MTHFD2L: variants seen among roughly 807,000 people sequenced by gnomAD.
MTHFD2L encodes the protein methylenetetrahydrofolate dehydrogenase (NADP+ dependent) 2 like, also known as bifunctional methylenetetrahydrofolate dehydrogenase/cyclohydrolase 2, mitochondrial.
MTHFD2L carries 29 observed loss-of-function variants against 34.9 expected under a neutral mutation model. The ratio of observed to expected loss-of-function variants is 0.83; its 90% CI spans 0.62 to 1.13. The LOEUF (loss-of-function observed/expected upper bound fraction) is 1.13. MTHFD2L is among the 50% of genes most tolerant of loss of function. MTHFD2L has a pLI of 0.00. For synonymous variants in MTHFD2L, 167 were observed against 155.7 expected (o/e 1.07, Z -0.54); for missense variants, 481 against 446.5 (o/e 1.08, Z -0.70).
chr4:74,252,414 C>G (rs1012241048), intron 6 of MTHFD2L, among the ~76,000 whole-genome samples: 3 of 151,748 alleles, frequency 2.0e-5, no homozygotes, highest in Non-Finnish European at 4.4e-5. Context: ...ACTTGACAAA[C>G]AGAAAACCTG....
In MTHFD2L at chr4:74,145,132, ATAAAC is replaced by A. The variant is rs1291759551; in HGVS notation, c.-296-14920_-296-14916del. Among the ~76,000 whole-genome samples the A allele has an allele frequency of 2.0e-5, 3 of 152,182 alleles. No homozygotes were observed. The East Asian group carries it at 5.8e-4, about 29-fold the overall frequency. On this transcript the variant is annotated intron_variant, in intron 1 of 7. Transcript: ENST00000433372. ...AGTAGGTTCCAACCATAAAAGACTG[ATAAAC>A]TAGACTACAGTCAACATTCCATATT...
chr4:74,118,798 C>T (rs560745179), upstream of MTHFD2L, among the ~76,000 whole-genome samples: 54 of 152,302 alleles, frequency 3.5e-4, no homozygotes, highest in Admixed American at 2.5e-3. Context: ...TATTTATAGC[C>T]GCTCCCCATT....
At chr4:74,143,460 C>T in intron 1 of MTHFD2L, 1 of 984,970 alleles carries the variant, frequency 1.0e-6, no homozygotes, top group Non-Finnish European at 1.2e-6. Context: ...TTGGAAGGGT[C>T]CTAGAGGGTA....
At chr4:74,127,300 A>G (rs139228519) in intron 1 of MTHFD2L, among the ~76,000 whole-genome samples, 2 of 152,276 alleles carry the variant, frequency 1.3e-5, no homozygotes, top group African/African-American at 4.8e-5. Context: ...TTTGAAATGT[A>G]CAATAGATTG....
At chr4:74,223,476 G>A (rs906759903) in intron 5 of MTHFD2L, among the ~76,000 whole-genome samples, 1 of 152,094 alleles carries the variant, frequency 6.6e-6, no homozygotes, top group South Asian at 2.1e-4. Context: ...GTGGGTGGAG[G>A]TTGGGAGGAG....
At chr4:74,187,733 TACACACACACACACACAC>T (rs35175417) in intron 3 of MTHFD2L, among the ~76,000 whole-genome samples, 3 of 134,222 alleles carry the variant, frequency 2.2e-5, no homozygotes, top group African/African-American at 5.8e-5. Context: ...AAACGTTAAA[TACACACACACACACACAC>T]ACACACACAC....
At position 74,247,388 on chromosome 4, in the gene MTHFD2L, A is replaced by G. The variant is rs900744208; in HGVS notation, c.805+21994A>G. 2.6e-3 allele frequency among the ~76,000 whole-genome samples: 398 copies of G among 151,634 alleles called. 2 individuals carry two copies. Among genetic ancestry groups the G allele is most frequent in the African/African-American group, 8.5e-3 (351 of 41,362 alleles). On this transcript the variant is annotated intron_variant, in intron 6 of 7. Transcript: ENST00000325278. ...CTGAAGGAGATTTTGGGCTGAGACA[A>G]TGGGGTTTTCTAGATATACAATCAT...
intron 6 of MTHFD2L, among the ~76,000 whole-genome samples, chr4:74,230,694 G>C (rs1372769230): frequency 6.6e-6 from 1 of 152,102 alleles, no homozygotes; most frequent in East Asian, 1.9e-4. Flanking sequence ...CTGGATGGTT[G>C]AAAGGGGAGG....
At chr4:74,135,434 C>T (rs1205750509) in intron 1 of MTHFD2L, among the ~76,000 whole-genome samples, 1 of 152,016 alleles carries the variant, frequency 6.6e-6, no homozygotes, top group Non-Finnish European at 1.5e-5. Context: ...CACATGCAAC[C>T]TACCAATATT....
chr4:74,133,289 G>A (rs77053162), intron 1 of MTHFD2L, among the ~76,000 whole-genome samples: 2 of 152,160 alleles, frequency 1.3e-5, no homozygotes, highest in African/African-American at 2.4e-5. Flanking sequence ...GCCTTGGTTA[G>A]TGTTACTTGG....
intron 7 of MTHFD2L, among the ~76,000 whole-genome samples, chr4:74,282,847 A>G (rs1469716734): frequency 6.6e-6 from 1 of 152,102 alleles, no homozygotes; most frequent in Non-Finnish European, 1.5e-5. Context: ...ACGTATATAC[A>G]TATGTCTGTG....
At chr4:74,180,846 A>G (rs942481110) in intron 3 of MTHFD2L, 2 of 226,562 alleles carry the variant, frequency 8.8e-6, no homozygotes, top group African/African-American at 2.3e-5. Context: ...ATTCTTATCA[A>G]TAAGTGGTCA....
chr4:74,284,428 C>G (rs1747881762), intron 7 of MTHFD2L, among the ~76,000 whole-genome samples: 1 of 151,972 alleles, frequency 6.6e-6, no homozygotes, highest in Non-Finnish European at 1.5e-5. Flanking sequence ...CTCTGATGGC[C>G]AGTGATGATG....
chr4:74,238,400 A>AAAACCTAGGC (rs1312875752), intron 6 of MTHFD2L, among the ~76,000 whole-genome samples: 1 of 152,232 alleles, frequency 6.6e-6, no homozygotes, highest in Non-Finnish European at 1.5e-5. Flanking sequence ...ACCCTAGAAG[A>AAAACCTAGGC]AAACCTAGGC....
intron 6 of MTHFD2L, among the ~76,000 whole-genome samples, chr4:74,271,115 G>C (rs996114442): frequency 1.3e-5 from 2 of 152,140 alleles, no homozygotes; most frequent in African/African-American, 4.8e-5. Context: ...CTCCCATTCT[G>C]TAGGTTGCCT....
chr4:74,168,758 A>G (rs1411546159), intron 1 of MTHFD2L, among the ~76,000 whole-genome samples: 1 of 152,198 alleles, frequency 6.6e-6, no homozygotes, highest in Non-Finnish European at 1.5e-5. Flanking sequence ...TGGCTGCAGT[A>G]TGGAAAATGG....
chr4:74,259,447 A>C (rs1228319888), intron 6 of MTHFD2L, among the ~76,000 whole-genome samples: 1 of 152,144 alleles, frequency 6.6e-6, no homozygotes, highest in African/African-American at 2.4e-5. Flanking sequence ...CCCCACCACC[A>C]GCATGAACTA....
intron 3 of MTHFD2L, among the ~76,000 whole-genome samples, chr4:74,182,098 A>G (rs1730286947): frequency 6.6e-6 from 1 of 152,104 alleles, no homozygotes; most frequent in Admixed American, 6.6e-5. Context: ...TCTAAATTTT[A>G]ATTTTACTTT....
At chr4:74,273,152 G>A (rs372240088) in intron 6 of MTHFD2L, among the ~76,000 whole-genome samples, 6 of 152,154 alleles carry the variant, frequency 3.9e-5, no homozygotes, top group South Asian at 2.1e-4. Context: ...AAATTTTATC[G>A]TGGTGAGGCT....
Sources: gnomAD v4.1 joint callset for allele counts (sites outside exome capture counted in the v4.1 genomes callset) on GRCh38, gnomAD v4.1.1 for gene constraint, MANE v1.5 for transcripts, NCBI Gene and HGNC (gene_info 2026-07-23, HGNC 2026-07-21) for gene names.